LYZL1: variants seen among roughly 807,000 people sequenced by gnomAD.
LYZL1 encodes the protein lysozyme like 1.
A neutral mutation model predicts 17.9 loss-of-function variants in LYZL1; 16 were observed. That is an observed-to-expected ratio of 0.90 (90% confidence interval 0.61 to 1.36). The LOEUF is 1.36. Ranked by LOEUF, LYZL1 falls within the 40% of genes most tolerant of loss-of-function variation. The probability of loss-of-function intolerance (pLI) is 0.00; values close to 1 mark genes in which losing one functional copy is unlikely to be tolerated. For synonymous variants in LYZL1, 58 were observed against 71.8 expected (o/e 0.81, Z 0.97); for missense variants, 149 against 188.4 (o/e 0.79, Z 1.22).
chr10:29,316,366 G>A (rs368111977), intron 3 of LYZL1, among the ~76,000 whole-genome samples: 304 of 152,350 alleles, frequency 2.0e-3, no homozygotes, highest in African/African-American at 6.8e-3. Context: ...ACAGGAGAAA[G>A]AGAAGAGGAA....
At chr10:29,309,126 T>C (rs1835635722) in intron 3 of LYZL1, among the ~76,000 whole-genome samples, 1 of 149,876 alleles carries the variant, frequency 6.7e-6, no homozygotes, top group Non-Finnish European at 1.5e-5. Context: ...GTCAGGAGTT[T>C]GAGACCAGCC....
chr10:29,311,080 G>A lies in LYZL1; in HGVS notation c.*21G>A. 1.2e-6 allele frequency: 2 copies of A among 1,614,222 alleles called. No individual in the cohort carries two copies. The highest frequency in any genetic ancestry group is 1.7e-6 in the Non-Finnish European group (2 of 1,180,034). ...CCTAAACTGGAACTGGACCCAGGAT[G>A]CTTTGCAGCAACGCCCTAGGATTTG... On this transcript the variant is annotated 3_prime_UTR_variant, in exon 5 of 5. Coordinates refer to ENST00000649382, the MANE Select transcript of LYZL1 (RefSeq NM_032517.6).
rs778807136 is a variant in LYZL1 at position 29,293,127 on chromosome 10, C to CTTTTTTTTTT, written c.298+456_298+457insTTTTTTTTTT. On this transcript the variant is annotated intron_variant, in intron 3 of 4. Transcript: ENST00000649382. The stretch of plus-strand genomic sequence containing the variant: ...TCTTTCTTTTTTTTTCTTTTCTTTT[C>CTTTTTTTTTT]TTTTTTCTTTTTTTTTTTTTTTTGA... Among the ~76,000 whole-genome samples the CTTTTTTTTTT allele has an allele frequency of 5.6e-4, 58 of 104,182 alleles. 1 individual carries two copies. The highest frequency in any genetic ancestry group is 1.3e-3 in the South Asian group (4 of 3,060). 68.3% of individuals were successfully genotyped at this position (104,182 alleles called of 152,430 possible).
intron 3 of LYZL1, among the ~76,000 whole-genome samples, chr10:29,294,412 A>C (rs572092492): frequency 6.6e-6 from 1 of 152,338 alleles, no homozygotes; most frequent in East Asian, 1.9e-4. Flanking sequence ...GTGCCATAAA[A>C]AGACTGAATG....
At chr10:29,307,054 A>G (rs1835606190) in intron 3 of LYZL1, among the ~76,000 whole-genome samples, 2 of 152,114 alleles carry the variant, frequency 1.3e-5, no homozygotes, top group East Asian at 1.9e-4. Flanking sequence ...GGGCTTCACC[A>G]TGCTGGCCAG....
At chr10:29,306,315 C>T (rs1245070115) in intron 3 of LYZL1, among the ~76,000 whole-genome samples, 2 of 137,518 alleles carry the variant, frequency 1.5e-5, no homozygotes, top group Non-Finnish European at 3.2e-5. Flanking sequence ...CTTTGGGAGG[C>T]CGAGGCGGGC....
exon 5 of LYZL1, chr10:29,318,319 T>TA: frequency 6.4e-6 from 2 of 312,958 alleles, no homozygotes; most frequent in Non-Finnish European, 4.6e-6. Flanking sequence ...AAGCCCAGAT[T>TA]CATAAGTAAT....
At chr10:29,300,911 T>A (rs1835508416) in intron 3 of LYZL1, among the ~76,000 whole-genome samples, 1 of 152,134 alleles carries the variant, frequency 6.6e-6, no homozygotes, top group South Asian at 2.1e-4. Context: ...AGCCTCAACT[T>A]CCTGGGCTCA....
chr10:29,292,913 A>C (rs1835393874), intron 3 of LYZL1, among the ~76,000 whole-genome samples: 1 of 152,184 alleles, frequency 6.6e-6, no homozygotes, highest in Non-Finnish European at 1.5e-5. Context: ...CCACTAAAGC[A>C]GGTGGATGGA....
downstream of LYZL1, among the ~76,000 whole-genome samples, chr10:29,312,421 T>A (rs1372076566): frequency 1.3e-5 from 2 of 152,068 alleles, no homozygotes; most frequent in Non-Finnish European, 2.9e-5. Context: ...TCAGCTATTG[T>A]TAGTGTATTT....
intron 3 of LYZL1, among the ~76,000 whole-genome samples, chr10:29,295,962 T>G (rs1350030786): frequency 6.6e-6 from 1 of 152,132 alleles, no homozygotes; most frequent in Admixed American, 6.6e-5. Context: ...AAATGGATCT[T>G]CCTGCAGAGT....
chr10:29,304,427 T>C (rs1421390830), intron 3 of LYZL1, among the ~76,000 whole-genome samples: 4 of 152,096 alleles, frequency 2.6e-5, no homozygotes. Context: ...GAGATGAACA[T>C]CGAGGGTGTG....
chr10:29,310,003 C>A, intron 3 of LYZL1, 107 bp from the exon 4 acceptor site: 1 of 742,926 alleles, frequency 1.3e-6, no homozygotes, highest in Non-Finnish European at 2.2e-6. Flanking sequence ...ATAGTTCTTC[C>A]AACCCTCTTG....
At chr10:29,299,888 C>A (rs1835494636) in intron 3 of LYZL1, among the ~76,000 whole-genome samples, 1 of 152,164 alleles carries the variant, frequency 6.6e-6, no homozygotes, top group African/African-American at 2.4e-5. Flanking sequence ...GTAATTACTG[C>A]TTTTCAGTAG....
chr10:29,309,280 G>A (rs1835638278), intron 3 of LYZL1, among the ~76,000 whole-genome samples: 1 of 146,752 alleles, frequency 6.8e-6, no homozygotes, highest in Admixed American at 6.8e-5. Flanking sequence ...AGTGAGCCGA[G>A]ACTATGCCAC....
chr10:29,292,721 G>A (rs746365714), intron 3 of LYZL1, 44 bp downstream of exon 3: 9 of 1,572,154 alleles, frequency 5.7e-6, no homozygotes, highest in South Asian at 2.4e-5. Context: ...AGGACTAGGC[G>A]AGAAAGCCGA....
intron 1 of LYZL1, 133 bp from the exon 2 acceptor site, chr10:29,291,710 G>A (rs1279450842): frequency 8.4e-6 from 9 of 1,074,784 alleles, no homozygotes; most frequent in Non-Finnish European, 1.2e-5. Flanking sequence ...AGAGTGGCCG[G>A]TTTTCCCTGA....
At chr10:29,305,411 C>T (rs1024901138) in intron 3 of LYZL1, among the ~76,000 whole-genome samples, 5 of 152,012 alleles carry the variant, frequency 3.3e-5, no homozygotes, top group Non-Finnish European at 7.4e-5. Context: ...GAATTTAAGC[C>T]CCCTATCAGA....
At chr10:29,294,950 C>T (rs1242186806) in intron 3 of LYZL1, among the ~76,000 whole-genome samples, 1 of 152,110 alleles carries the variant, frequency 6.6e-6, no homozygotes, top group African/African-American at 2.4e-5. Context: ...AATATGTAAG[C>T]ACCTTCTCTC....
Sources: allele counts gnomAD v4.1 joint callset (sites outside exome capture counted in the v4.1 genomes callset), GRCh38; gene constraint gnomAD v4.1.1; transcripts MANE v1.5; gene names NCBI Gene and HGNC (gene_info 2026-07-23, HGNC 2026-07-21).